CAMTA1: variants seen among roughly 807,000 people sequenced by gnomAD.
The protein encoded by CAMTA1 is calmodulin-binding transcription activator 1.
CAMTA1 carries 27 observed loss-of-function variants against 170.9 expected under a neutral mutation model. The ratio of observed to expected loss-of-function variants is 0.16; its 90% CI spans 0.12 to 0.22. The LOEUF (loss-of-function observed/expected upper bound fraction) is 0.22, where lower values mean the gene tolerates loss of function less well. CAMTA1 is among the 10% of genes least tolerant of loss of function. The pLI is 1.00. For synonymous variants in CAMTA1, 833 were observed against 891.5 expected (o/e 0.93, Z 1.17); for missense variants, 1,619 against 2,217.2 (o/e 0.73, Z 5.42).
intron 4 of CAMTA1, among the ~76,000 whole-genome samples, chr1:7,206,706 G>A (rs926133106): frequency 2.0e-5 from 3 of 152,162 alleles, no homozygotes; most frequent in African/African-American, 7.2e-5. Context: ...TTTTCCAAAG[G>A]CGTTAATTCT....
chr1:7,452,329 T>A (rs1036540611), intron 5 of CAMTA1, among the ~76,000 whole-genome samples: 6 of 152,296 alleles, frequency 3.9e-5, no homozygotes, highest in African/African-American at 1.2e-4. Context: ...CTGGCCCTTG[T>A]CTGTGCCTGG....
intron 3 of CAMTA1, among the ~76,000 whole-genome samples, chr1:6,902,322 A>C (rs1433459348): frequency 6.6e-6 from 1 of 152,188 alleles, no homozygotes; most frequent in Non-Finnish European, 1.5e-5. Context: ...AGCTGAAACA[A>C]CCCAAATGTC....
chr1:6,978,973 G>A (rs907015279), intron 3 of CAMTA1, among the ~76,000 whole-genome samples: 1 of 152,192 alleles, frequency 6.6e-6, no homozygotes, highest in African/African-American at 2.4e-5. Flanking sequence ...GAACAGGCAG[G>A]TATTAGCCTG....
chr1:6,998,968 G>T (rs547589771), intron 3 of CAMTA1, among the ~76,000 whole-genome samples: 1 of 152,258 alleles, frequency 6.6e-6, no homozygotes, highest in South Asian at 2.1e-4. Flanking sequence ...TTAGTGCACA[G>T]TTCAATGGCA....
At position 7,696,257 on chromosome 1, in the gene CAMTA1, C is replaced by T. The variant is rs1050257961; in HGVS notation, c.2914+18524C>T. Among the ~76,000 whole-genome samples the T allele has an allele frequency of 2.3e-4, 35 of 152,112 alleles. 1 individual carries two copies. The highest frequency in any genetic ancestry group is 1.9e-3 in the Admixed American group (29 of 15,268). ...TGTCACCCAGGCCAGAGTACAGTGG[C>T]GCAATCTCGGCTCATTGCAACCTCC... On this transcript the variant is annotated intron_variant, in intron 11 of 22. Coordinates refer to ENST00000303635, the MANE Select transcript of CAMTA1 (RefSeq NM_015215.4).
At chr1:7,006,146 G>A (rs1019471351) in intron 3 of CAMTA1, among the ~76,000 whole-genome samples, 43 of 152,192 alleles carry the variant, frequency 2.8e-4, no homozygotes, top group African/African-American at 1.0e-3. Flanking sequence ...CCTGCCCATA[G>A]TATTTGGGTT....
chr1:7,016,513 T>C (rs1700555201), intron 3 of CAMTA1, among the ~76,000 whole-genome samples: 2 of 152,222 alleles, frequency 1.3e-5, no homozygotes, highest in African/African-American at 4.8e-5. Flanking sequence ...AAATCTCCAG[T>C]AAACATAACC....
rs1213342201 is a variant in CAMTA1 at position 6,890,736 on chromosome 1, G to T, written c.234+65526G>T. ...CAGGTGGGGGCCACCATGCCCAGCT[G>T]ATTTCTTAATTTTTCTGTGGAGTCG... On this transcript the variant is annotated intron_variant, in intron 3 of 22. Coordinates refer to ENST00000303635, the MANE Select transcript of CAMTA1 (RefSeq NM_015215.4). Among the ~76,000 whole-genome samples the T allele has an allele frequency of 2.0e-5, 3 of 151,946 alleles. No homozygotes were observed. The East Asian group carries it at 5.8e-4, about 29-fold the overall frequency.
intron 2 of CAMTA1, among the ~76,000 whole-genome samples, chr1:6,822,229 ATG>A (rs1646570811): frequency 6.6e-6 from 1 of 152,160 alleles, no homozygotes; most frequent in Non-Finnish European, 1.5e-5. Flanking sequence ...AAACTGGTGC[ATG>A]TGTTTAGTTA....
Position 7,751,387 on chromosome 1 carries a change from A to G in CAMTA1, c.4878A>G (p.Lys1626=), listed in dbSNP as rs760310780. ...GGACGGCTGTGATTGTACAACAGAA[A>G]CTCAGGTGGGTGGAGAAGAGCTCAT... ...ARRTAVIVQQ[K]LRSSLLTKKQ... The change falls in exon 20 of 23, where the codon AAA becomes AAG. Residue 1626 remains lysine (K), a synonymous_variant. Transcript: ENST00000303635. 1.6e-5 allele frequency: 26 copies of G among 1,588,878 alleles called. No homozygotes were observed. The highest frequency in any genetic ancestry group is 2.0e-5 in the Non-Finnish European group (24 of 1,171,328).
At chr1:7,751,493 C>T (rs1030243083) in intron 20 of CAMTA1, 101 bp downstream of exon 20, 1 of 1,008,898 alleles carries the variant, frequency 9.9e-7, no homozygotes, top group African/African-American at 1.6e-5. Context: ...CTGGGGTGGG[C>T]CTAAAGCATT....
chr1:7,261,611 C>T (rs939611635), intron 5 of CAMTA1, among the ~76,000 whole-genome samples: 4 of 152,162 alleles, frequency 2.6e-5, no homozygotes, highest in Admixed American at 1.3e-4. Flanking sequence ...CAGAATGCCC[C>T]GTTTCACTAG....
chr1:7,365,616 A>T (rs911921628), intron 5 of CAMTA1, among the ~76,000 whole-genome samples: 13 of 152,058 alleles, frequency 8.5e-5, no homozygotes, highest in Admixed American at 6.6e-5. Flanking sequence ...CTCCTCCTGG[A>T]CCCCCTTCTT....
chr1:6,884,336 A>ACACAC (rs1672563290), intron 3 of CAMTA1, among the ~76,000 whole-genome samples: 2 of 73,074 alleles, frequency 2.7e-5, no homozygotes, highest in Non-Finnish European at 7.5e-5. Context: ...ACACACACAC[A>ACACAC]ATTTTGTTTG....
chr1:6,898,512 C>T (rs1170498224), intron 3 of CAMTA1, among the ~76,000 whole-genome samples: 1 of 152,190 alleles, frequency 6.6e-6, no homozygotes, highest in Non-Finnish European at 1.5e-5. Flanking sequence ...GAGATCGCAC[C>T]ACTATACTCC....
At chr1:7,413,154 T>G (rs1418911416) in intron 5 of CAMTA1, among the ~76,000 whole-genome samples, 1 of 152,138 alleles carries the variant, frequency 6.6e-6, no homozygotes, top group African/African-American at 2.4e-5. Context: ...TTTTGGTTAC[T>G]GTAGCCTTGT....
At chr1:7,499,158 G>A (rs1174807313) in intron 6 of CAMTA1, among the ~76,000 whole-genome samples, 1 of 90,584 alleles carries the variant, frequency 1.1e-5, no homozygotes, top group Non-Finnish European at 2.2e-5. Flanking sequence ...GTATATGAGT[G>A]TGTGTGTGCA....
intron 1 of CAMTA1, among the ~76,000 whole-genome samples, chr1:6,814,060 G>A (rs1645499318): frequency 1.3e-5 from 2 of 152,156 alleles, no homozygotes; most frequent in South Asian, 2.1e-4. Flanking sequence ...GAGATACTGG[G>A]AAGAACAAGC....
chr1:7,684,982 G>GCTCCGGGGA (rs2096245865), intron 11 of CAMTA1, among the ~76,000 whole-genome samples: 1 of 152,178 alleles, frequency 6.6e-6, no homozygotes, highest in South Asian at 2.1e-4. Flanking sequence ...CGCAGGTTAG[G>GCTCCGGGGA]CTCCGGGGAC....
Sources: allele counts gnomAD v4.1 joint callset (sites outside exome capture counted in the v4.1 genomes callset), GRCh38; gene constraint gnomAD v4.1.1; transcripts MANE v1.5; gene names NCBI Gene and HGNC (gene_info 2026-07-23, HGNC 2026-07-21).